The following SPON1 variants were observed in gnomAD, a reference collection of about 807,000 sequenced individuals.
The protein encoded by SPON1 is spondin 1.
Under a neutral mutation model 111.7 loss-of-function variants are expected in SPON1, and 52 were observed. That is an observed-to-expected ratio of 0.47 (90% CI 0.37 to 0.59). The LOEUF is 0.59. SPON1 is among the 20% of genes least tolerant of loss of function. The pLI is 0.00. For synonymous variants in SPON1, 410 were observed against 395.8 expected (o/e 1.04, Z -0.43); for missense variants, 957 against 1,068.5 (o/e 0.90, Z 1.46).
chr11:14,050,335 A>G (rs1166552362), intron 3 of SPON1, among the ~76,000 whole-genome samples: 5 of 152,190 alleles, frequency 3.3e-5, no homozygotes, highest in Non-Finnish European at 7.3e-5. Context: ...ATCACAGCCC[A>G]TGGGCCAAAA....
intron 13 of SPON1, among the ~76,000 whole-genome samples, chr11:14,260,241 TTTAGTGCCTGATTC>T (rs2133927137): frequency 6.6e-6 from 1 of 152,324 alleles, no homozygotes; most frequent in South Asian, 2.1e-4. Context: ...GAGCCTCTCC[TTTAGTGCCTGATTC>T]TTAGTGAGTG....
At chr11:14,183,074 A>G (rs1283770024) in intron 6 of SPON1, among the ~76,000 whole-genome samples, 1 of 152,228 alleles carries the variant, frequency 6.6e-6, no homozygotes, top group Non-Finnish European at 1.5e-5. Flanking sequence ...TAGTTAGGAA[A>G]ATGTACTAAT....
At chr11:14,184,730 G>A (rs927590976) in intron 6 of SPON1, among the ~76,000 whole-genome samples, 6 of 152,110 alleles carry the variant, frequency 3.9e-5, no homozygotes, top group Non-Finnish European at 5.9e-5. Context: ...TGGGCTGCTG[G>A]CCCTTCCCTC....
At chr11:14,056,626 G>A (rs546964207) in intron 3 of SPON1, among the ~76,000 whole-genome samples, 23 of 152,298 alleles carry the variant, frequency 1.5e-4, no homozygotes, top group Admixed American at 9.2e-4. Flanking sequence ...GGGCACGGTG[G>A]CTCATGTAAT....
At chr11:14,141,597 A>G (rs1847656899) in intron 6 of SPON1, among the ~76,000 whole-genome samples, 1 of 152,196 alleles carries the variant, frequency 6.6e-6, no homozygotes, top group African/African-American at 2.4e-5. Context: ...CCACAGGATT[A>G]TCACACCGCC....
chr11:14,045,271 T>TA (rs1325585620), intron 3 of SPON1, among the ~76,000 whole-genome samples: 4 of 152,158 alleles, frequency 2.6e-5, no homozygotes, highest in Non-Finnish European at 5.9e-5. Context: ...ATCTGTCTTT[T>TA]AAAAATTGAT....
intron 7 of SPON1, among the ~76,000 whole-genome samples, chr11:14,246,727 C>T (rs2133920320): frequency 6.6e-6 from 1 of 152,204 alleles, no homozygotes; most frequent in East Asian, 1.9e-4. Context: ...GTGGTGAGCA[C>T]AGCACAGTTC....
intron 5 of SPON1, among the ~76,000 whole-genome samples, chr11:14,097,932 A>G (rs1412367652): frequency 1.3e-5 from 2 of 151,878 alleles, no homozygotes; most frequent in Non-Finnish European, 2.9e-5. Flanking sequence ...GGCTTCCAGG[A>G]TGTTAAAGGA....
At chr11:14,153,081 T>G (rs940908378) in intron 6 of SPON1, among the ~76,000 whole-genome samples, 2 of 152,168 alleles carry the variant, frequency 1.3e-5, no homozygotes, top group Admixed American at 1.3e-4. Flanking sequence ...GTTTAGAACT[T>G]TATTATTTTG....
chr11:14,240,257 G>C (rs1273296235), intron 6 of SPON1, among the ~76,000 whole-genome samples: 2 of 152,174 alleles, frequency 1.3e-5, no homozygotes, highest in Non-Finnish European at 2.9e-5. Context: ...CCTTATAGAA[G>C]TTAAGTTCTA....
intron 5 of SPON1, among the ~76,000 whole-genome samples, chr11:14,082,882 C>G (rs1554922177): frequency 1.3e-5 from 2 of 152,098 alleles, no homozygotes; most frequent in Non-Finnish European, 2.9e-5. Context: ...CCCCCCTGTC[C>G]TTTATTAGTC....
At chr11:14,204,480 G>GT (rs1339397845) in intron 6 of SPON1, among the ~76,000 whole-genome samples, 3 of 151,852 alleles carry the variant, frequency 2.0e-5, no homozygotes, top group African/African-American at 7.2e-5. Flanking sequence ...TAGGGACAAG[G>GT]TCTCACTATG....
chr11:14,013,293 G>C (rs1554913924), intron 2 of SPON1, among the ~76,000 whole-genome samples: 1 of 152,102 alleles, frequency 6.6e-6, no homozygotes, highest in African/African-American at 2.4e-5. Flanking sequence ...CATCAGTAAA[G>C]GTGGGCATGG....
intron 5 of SPON1, among the ~76,000 whole-genome samples, chr11:14,114,885 C>G (rs782788709): frequency 1.3e-5 from 2 of 152,150 alleles, no homozygotes; most frequent in Non-Finnish European, 2.9e-5. Context: ...AGAGCACAAA[C>G]GTGACAGTGA....
intron 3 of SPON1, among the ~76,000 whole-genome samples, chr11:14,049,774 G>T (rs1238877119): frequency 6.6e-6 from 1 of 152,098 alleles, no homozygotes; most frequent in East Asian, 1.9e-4. Context: ...AACTCATTTA[G>T]GGCCAAAACC....
chr11:14,006,207 T>C (rs943938829), intron 2 of SPON1, among the ~76,000 whole-genome samples: 1 of 152,180 alleles, frequency 6.6e-6, no homozygotes, highest in African/African-American at 2.4e-5. Context: ...GAGATGAAAC[T>C]AATGAATTGT....
chr11:14,080,090 A>G (rs1848949872), intron 5 of SPON1, 69 bp downstream of exon 5: 12 of 1,586,610 alleles, frequency 7.6e-6, no homozygotes, highest in African/African-American at 6.7e-5. Context: ...GTTATAGGGC[A>G]CACTAGCTGC....
At chr11:14,061,780 T>G (rs548272184) in intron 3 of SPON1, among the ~76,000 whole-genome samples, 1 of 152,380 alleles carries the variant, frequency 6.6e-6, no homozygotes, top group East Asian at 1.9e-4. Context: ...TCTTCTCAGC[T>G]GTCACTAATT....
intron 8 of SPON1, 24 bp from the exon 9 acceptor site, chr11:14,255,623 C>T (rs1351656058): frequency 1.2e-6 from 2 of 1,611,156 alleles, no homozygotes; most frequent in East Asian, 4.5e-5. Context: ...TTCTTACTCT[C>T]TACCTCTGTA....
Sources: allele counts gnomAD v4.1 joint callset (sites outside exome capture counted in the v4.1 genomes callset), GRCh38; gene constraint gnomAD v4.1.1; transcripts MANE v1.5; gene names NCBI Gene and HGNC (gene_info 2026-07-23, HGNC 2026-07-21).